PTBP3: variants seen among roughly 807,000 people sequenced by gnomAD.
PTBP3 encodes the protein polypyrimidine tract-binding protein 3.
PTBP3 carries 20 observed loss-of-function variants against 58.7 expected under a neutral mutation model. The observed-to-expected ratio is 0.34, with a 90% CI of 0.24 to 0.50. The LOEUF (loss-of-function observed/expected upper bound fraction) is 0.50. Ranked by LOEUF, PTBP3 falls within the 20% of genes least tolerant of loss-of-function variation. The probability of loss-of-function intolerance (pLI) is 0.98; values close to 1 mark genes in which losing one functional copy is unlikely to be tolerated. For synonymous variants in PTBP3, 185 were observed against 219.8 expected (o/e 0.84, Z 1.40); for missense variants, 509 against 637.2 (o/e 0.80, Z 2.17).
intron 2 of PTBP3, among the ~76,000 whole-genome samples, chr9:112,283,067 A>C (rs1827947251): frequency 6.6e-6 from 1 of 152,172 alleles, no homozygotes; most frequent in Non-Finnish European, 1.5e-5. Flanking sequence ...AAATTTCCTG[A>C]GGCCTCGCCT....
At chr9:112,231,954 G>GAAGAT in intron 9 of PTBP3, 145 bp downstream of exon 9, 2 of 379,016 alleles carry the variant, frequency 5.3e-6, no homozygotes, top group Non-Finnish European at 8.7e-6. Flanking sequence ...GAAGAGAAGA[G>GAAGAT]AAGAGAAGAG....
At chr9:112,254,987 AT>A (rs1423111498) in intron 5 of PTBP3, among the ~76,000 whole-genome samples, 1 of 152,236 alleles carries the variant, frequency 6.6e-6, no homozygotes, top group African/African-American at 2.4e-5. Context: ...CAATGAATAA[AT>A]GGATAAATAA....
At chr9:112,246,592 T>A (rs1179585361) in intron 7 of PTBP3, among the ~76,000 whole-genome samples, 3 of 150,260 alleles carry the variant, frequency 2.0e-5, no homozygotes, top group Admixed American at 1.3e-4. Context: ...ACTCAGGAGG[T>A]TGAGGCAGGA....
chr9:112,256,272 A>AATAT lies in PTBP3; in HGVS notation c.517-3488_517-3485dup, dbSNP rs1186696553. Among the ~76,000 whole-genome samples, 165 of 82,924 alleles carry AATAT rather than the reference A, an allele frequency of 2.0e-3. No homozygotes were observed. The East Asian group carries it at 0.028, about 14-fold the overall frequency. 54.4% of individuals were successfully genotyped at this position (82,924 alleles called of 152,430 possible). A position where few individuals can be genotyped will look rare whatever the true frequency, so the allele number is the denominator to read the frequency against. ...TCCGTCTCAAAAAAAAAAAAAACAAAATATATATATATATATATATACATA... is the reference window on the plus strand; with the variant it reads ...TCCGTCTCAAAAAAAAAAAAAACAAAATATATATATATATATATATATATACATA... On this transcript the variant is annotated intron_variant, in intron 5 of 13. Transcript: ENST00000374257.
chr9:112,377,791 T>C, the PTBP3 span, among the ~76,000 whole-genome samples: 1 of 152,204 alleles, frequency 6.6e-6, no homozygotes, highest in African/African-American at 2.4e-5. Flanking sequence ...ACTTCTTTAC[T>C]GTGTTATCAC....
At chr9:112,293,715 T>C (rs1400827605) in intron 2 of PTBP3, among the ~76,000 whole-genome samples, 1 of 152,230 alleles carries the variant, frequency 6.6e-6, no homozygotes, top group Non-Finnish European at 1.5e-5. Context: ...GTAAGTCTCA[T>C]CATTATGGCC....
At chr9:112,368,163 TTTTGTA>T in the PTBP3 span, among the ~76,000 whole-genome samples, 3 of 151,964 alleles carry the variant, frequency 2.0e-5, no homozygotes, top group Non-Finnish European at 4.4e-5. Context: ...CCTGGCTAAT[TTTTGTA>T]TTTGTATTTT....
At position 112,222,831 on chromosome 9, in the gene PTBP3, T is replaced by A. The variant is rs957717726; in HGVS notation, c.*1020A>T. The A allele has an allele frequency of 4.5e-6, 4 of 896,356 alleles. No homozygotes were observed. The African/African-American group carries it at 7.3e-5, about 16-fold the overall frequency. 55.5% of individuals were successfully genotyped at this position (896,356 alleles called of 1,614,324 possible). On this transcript the variant is annotated 3_prime_UTR_variant, in exon 14 of 14. Transcript: ENST00000374257. ...AAGAAATTAAGTAAATACACAGTAA[T>A]TCTGAGTAAGTATTAGAGATTATAG... is the stretch of plus-strand genomic sequence containing the variant.
chr9:112,378,917 A>C, the PTBP3 span, among the ~76,000 whole-genome samples: 64,279 of 152,106 alleles, frequency 0.42, 13,864 homozygotes, highest in South Asian at 0.49. Context: ...CCGGGCGCGG[A>C]GGCTCACGCC....
At chr9:112,350,968 T>A in the PTBP3 span, among the ~76,000 whole-genome samples, 1 of 152,030 alleles carries the variant, frequency 6.6e-6, no homozygotes, top group Non-Finnish European at 1.5e-5. Flanking sequence ...CCAGCTAATT[T>A]TTGTATTTTT....
chr9:112,297,907 C>G lies in PTBP3; in HGVS notation c.-42G>C, dbSNP rs758330900. 6.2e-7 allele frequency: 1 copy of G among 1,611,558 alleles called. No homozygotes were observed. The highest frequency in any genetic ancestry group is 8.5e-7 in the Non-Finnish European group (1 of 1,179,036). ...ATGATGCCAGAAGAAAGAAGCTCAT[C>G]AGATCCCCGCTGAAAAGCAAAACCA... On this transcript the variant is annotated 5_prime_UTR_variant, in exon 2 of 14. An upstream open reading frame in the 5' UTR loses its in-frame stop. Transcript: ENST00000374257.
chr9:112,375,143 T>A, the PTBP3 span, among the ~76,000 whole-genome samples: 18 of 152,110 alleles, frequency 1.2e-4, no homozygotes, highest in Non-Finnish European at 2.9e-5. Context: ...ATCCACTTGA[T>A]TATTAAAATC....
At chr9:112,280,430 G>C (rs1041943807) in intron 2 of PTBP3, among the ~76,000 whole-genome samples, 2 of 152,064 alleles carry the variant, frequency 1.3e-5, no homozygotes, top group African/African-American at 2.4e-5. Context: ...ATGTTGAATA[G>C]AATCAATAAG....
intron 5 of PTBP3, among the ~76,000 whole-genome samples, chr9:112,257,353 T>C (rs76703034): frequency 0.011 from 1,711 of 152,322 alleles, 36 homozygotes; most frequent in African/African-American, 0.039. Context: ...TAGCAAATTT[T>C]AAACAGATTT....
intron 7 of PTBP3, among the ~76,000 whole-genome samples, chr9:112,247,375 T>C (rs1216426849): frequency 1.3e-5 from 2 of 151,966 alleles, no homozygotes; most frequent in East Asian, 1.9e-4. Context: ...GAAAGAGACA[T>C]GACAAATAAA....
Position 112,220,897 on chromosome 9 carries a change from C to T in PTBP3, c.*2954G>A. 1.0e-6 allele frequency: 1 copy of T among 969,512 alleles called. No individual in the cohort carries two copies. Among genetic ancestry groups the T allele is most frequent in the Non-Finnish European group, 1.2e-6 (1 of 815,580 alleles). 60.1% of individuals were successfully genotyped at this position (969,512 alleles called of 1,614,324 possible). On this transcript the variant is annotated 3_prime_UTR_variant, in exon 14 of 14. Coordinates refer to ENST00000374257, the MANE Select transcript of PTBP3 (RefSeq NM_001163788.4). ...ATAAAATAAACTTAAAAATAGGATA[C>T]TACGGTAGATCAACAGAGAAAAACC... is the stretch of plus-strand genomic sequence containing the variant.
At chr9:112,290,707 T>TACAC (rs60262490) in intron 2 of PTBP3, among the ~76,000 whole-genome samples, 1,348 of 110,896 alleles carry the variant, frequency 0.012, 24 homozygotes, top group African/African-American at 0.024. Context: ...TATATATATA[T>TACAC]ACACACACAC....
chr9:112,338,417 G>C (rs1349072516), upstream of PTBP3, among the ~76,000 whole-genome samples: 1 of 152,132 alleles, frequency 6.6e-6, no homozygotes, highest in Non-Finnish European at 1.5e-5. Context: ...TACTATTGGG[G>C]GAAACTGGTT....
At chr9:112,239,724 G>C (rs1217136282) in intron 7 of PTBP3, among the ~76,000 whole-genome samples, 1 of 150,420 alleles carries the variant, frequency 6.6e-6, no homozygotes, top group Admixed American at 6.7e-5. Context: ...GAGTGAGAGA[G>C]ATCTGTTGAA....
Sources: allele counts gnomAD v4.1 joint callset (sites outside exome capture counted in the v4.1 genomes callset), GRCh38; gene constraint gnomAD v4.1.1; transcripts MANE v1.5; gene names NCBI Gene and HGNC (gene_info 2026-07-23, HGNC 2026-07-21).